HOXA13: variants seen among roughly 807,000 people sequenced by gnomAD.
HOXA13 encodes homeobox A13, also known as homeobox protein Hox-A13.
HOXA13 carries 5 observed loss-of-function variants against 25.7 expected under a neutral mutation model. The observed-to-expected ratio is 0.19, with a 90% confidence interval of 0.10 to 0.41. HOXA13 has a LOEUF of 0.41. Ranked by LOEUF, HOXA13 falls within the 10% of genes least tolerant of loss-of-function variation. The pLI, the probability that HOXA13 is intolerant of heterozygous loss-of-function variation, is 1.00. For synonymous variants in HOXA13, 284 were observed against 241.1 expected (o/e 1.18, Z -1.65); for missense variants, 557 against 533.5 (o/e 1.04, Z -0.43).
At position 27,195,345 on chromosome 7, in the gene HOXA13, C is replaced by A. The variant is rs544314380; in HGVS notation, c.*2853G>T. On this transcript the variant is annotated 3_prime_UTR_variant, in exon 2 of 2. Coordinates refer to ENST00000649031, the MANE Select transcript of HOXA13 (RefSeq NM_000522.5). ...AATCTGGTTCTTCCATTCACTATTACTTTCCTCTAACGTAAAGATAAAATT... is the reference window on the plus strand; with the variant it reads ...AATCTGGTTCTTCCATTCACTATTAATTTCCTCTAACGTAAAGATAAAATT... 3 of 152,300 alleles carry A rather than the reference C, an allele frequency of 2.0e-5. No homozygotes were observed. The South Asian group carries it at 6.2e-4, about 32-fold the overall frequency. 9.4% of individuals were successfully genotyped at this position (152,300 alleles called of 1,614,324 possible).
intron 1 of HOXA13, 53 bp from the exon 2 acceptor site, chr7:27,198,495 C>A: frequency 6.2e-7 from 1 of 1,608,730 alleles, no homozygotes; most frequent in East Asian, 2.2e-5. Context: ...CCAGCCAGGG[C>A]ATAGGCGACA....
In HOXA13 at chr7:27,196,823, T is replaced by C. The variant is rs1164795940; in HGVS notation, c.*1375A>G. ...ATAAGATAAACCTGCTCCTTTTCTT[T>C]CTGTGCAGTGCACATTTAGCATAGG... On this transcript the variant is annotated 3_prime_UTR_variant, in exon 2 of 2. Coordinates refer to ENST00000649031, the MANE Select transcript of HOXA13 (RefSeq NM_000522.5). 2 of 173,058 alleles carry C rather than the reference T, an allele frequency of 1.2e-5. No homozygotes were observed. Among genetic ancestry groups the C allele is most frequent in the African/African-American group, 4.7e-5 (2 of 42,160 alleles). 10.7% of individuals were successfully genotyped at this position (173,058 alleles called of 1,614,324 possible).
Position 27,199,719 on chromosome 7 carries a change from G to A in HOXA13, c.359C>T (p.Ala120Val). The change falls in exon 1 of 2, where the codon GCT (alanine) becomes GTT (valine). Residue 120 changes from alanine to valine, a missense_variant. By Grantham distance (64) the Ala-to-Val change is moderately conservative (BLOSUM62 0). Coordinates refer to ENST00000649031, the MANE Select transcript of HOXA13 (RefSeq NM_000522.5). ...GEAPPSAAAA[A>V]AAAAAAAAAA... ...GGCGGCTGCAGCGGCAGCCGCGGCA[G>A]CAGCGGCGGCAGCCGACGGGGGCGC... 1 of 997,880 alleles carries A rather than the reference G, an allele frequency of 1.0e-6. No individual in the cohort carries two copies. The allele number at this position is 997,880 out of a possible 1,614,324, so 61.8% of individuals were successfully genotyped here.
At position 27,199,984 on chromosome 7, in the gene HOXA13, T is replaced by G; in HGVS notation, c.94A>C (p.Asn32His). The part of the protein sequence containing the change: ...NGGGLVADEL[N>H]KNMEGAAAAA... ...GCCGCCGCCCCTTCCATGTTCTTGT[T>G]GAGCTCGTCGGCCACCAGGCCGCCG... Residue 32 changes from asparagine to histidine, a missense_variant, in exon 1 of 2, where the codon AAC (asparagine) becomes CAC (histidine). By Grantham distance (68) the Asn-to-His change is moderately conservative. Transcript: ENST00000649031. 1.4e-6 allele frequency: 2 copies of G among 1,470,002 alleles called. No individual in the cohort carries two copies. Among genetic ancestry groups the G allele is most frequent in the East Asian group, 2.9e-5 (1 of 34,040 alleles). The allele number at this position is 1,470,002 out of a possible 1,614,324, so 91.1% of individuals were successfully genotyped here. A position where few individuals can be genotyped will look rare whatever the true frequency, so the allele number is the denominator to read the frequency against.
chr7:27,199,118 A>G (rs565263915), intron 1 of HOXA13, 38 bp downstream of exon 1: 2 of 1,586,220 alleles, frequency 1.3e-6, no homozygotes, highest in African/African-American at 2.7e-5. Context: ...GCTGGAGCAG[A>G]GCCGGAAGAC....
rs762645245 is a variant in HOXA13, at chr7:27,196,068, A to G, written c.*2130T>C. The G allele has an allele frequency of 6.6e-6, 1 of 152,272 alleles. No individual in the cohort carries two copies. Among genetic ancestry groups the G allele is most frequent in the Non-Finnish European group, 1.5e-5 (1 of 68,050 alleles). The allele number at this position is 152,272 out of a possible 1,614,324, so 9.4% of individuals were successfully genotyped here. A position where few individuals can be genotyped will look rare whatever the true frequency, so the allele number is the denominator to read the frequency against. ...AACAAGGCTTCATCTTGTAAAGTAC[A>G]TTTTGTACCTCAATTCTAGAAATCA... On this transcript the variant is annotated 3_prime_UTR_variant, in exon 2 of 2. Coordinates refer to ENST00000649031, the MANE Select transcript of HOXA13 (RefSeq NM_000522.5).
At position 27,199,622 on chromosome 7, in the gene HOXA13, T is replaced by C. The variant is rs1784064063; in HGVS notation, c.456A>G (p.Gln152=). The C allele has an allele frequency of 3.6e-6, 5 of 1,408,024 alleles. No homozygotes were observed. Among genetic ancestry groups the C allele is most frequent in the Non-Finnish European group, 4.6e-6 (5 of 1,089,850 alleles). 87.2% of individuals were successfully genotyped at this position (1,408,024 alleles called of 1,614,324 possible). Residue 152 remains glutamine (Q), a synonymous_variant, in exon 1 of 2, where the codon CAA becomes CAG. Coordinates refer to ENST00000649031, the MANE Select transcript of HOXA13 (RefSeq NM_000522.5). ...AGPAGAEAAK[Q]CSPCSAAAQS... is the part of the protein sequence containing the mutation. Reference sequence around the variant, plus strand: ...GCGCCGCTGCCGAGCAGGGGCTGCATTGCTTGGCGGCCTCTGCGCCCGCCG... The same window carrying C: ...GCGCCGCTGCCGAGCAGGGGCTGCACTGCTTGGCGGCCTCTGCGCCCGCCG...
At chr7:27,198,485 C>A in intron 1 of HOXA13, 43 bp from the exon 2 acceptor site, 8 of 1,610,736 alleles carry the variant, frequency 5.0e-6, no homozygotes, top group African/African-American at 1.3e-5. Flanking sequence ...GGATCGGACC[C>A]CAGCCAGGGC....
Position 27,194,824 on chromosome 7 carries a change from G to C in HOXA13, c.*3374C>G, listed in dbSNP as rs546526263. 24 of 152,318 alleles carry C rather than the reference G, an allele frequency of 1.6e-4. 1 individual carries two copies. Among genetic ancestry groups the C allele is most frequent in the Admixed American group, 1.3e-3 (20 of 15,304 alleles). 9.4% of individuals were successfully genotyped at this position (152,318 alleles called of 1,614,324 possible). On this transcript the variant is annotated 3_prime_UTR_variant, in exon 2 of 2. Coordinates refer to ENST00000649031, the MANE Select transcript of HOXA13 (RefSeq NM_000522.5). ...AGTGGTGATGGCTTTCGAAAGGGGC[G>C]GGATCCCGGCTGGAGAGCTGCTGTT... is the stretch of plus-strand genomic sequence containing the variant.
Position 27,199,679 on chromosome 7 carries a change from C to G in HOXA13, c.399G>C (p.Ala133=). 1 of 1,160,856 alleles carries G rather than the reference C, an allele frequency of 8.6e-7. No homozygotes were observed. Among genetic ancestry groups the G allele is most frequent in the Non-Finnish European group, 1.1e-6 (1 of 944,640 alleles). The allele number at this position is 1,160,856 out of a possible 1,614,324, so 71.9% of individuals were successfully genotyped here. ...CCGGGCCGGGACCTCCCGAGGACGACGCGGCGGCGGCGGCGGCGGCTGCAG... is the reference window on the plus strand; with the variant it reads ...CCGGGCCGGGACCTCCCGAGGACGAGGCGGCGGCGGCGGCGGCGGCTGCAG... ...AAAAAAAAAA[A]SSSGGPGPAG... The change falls in exon 1 of 2, where the codon GCG becomes GCC. Residue 133 remains alanine (A), a synonymous_variant. Coordinates refer to ENST00000649031, the MANE Select transcript of HOXA13 (RefSeq NM_000522.5).
rs568133680 is a variant in HOXA13, at chr7:27,199,028, C to T, written c.922+128G>A. The T allele has an allele frequency of 3.3e-5, 29 of 877,100 alleles. 1 individual carries two copies. The South Asian group carries it at 5.0e-4, about 15-fold the overall frequency. The allele number at this position is 877,100 out of a possible 1,614,324, so 54.3% of individuals were successfully genotyped here. ...ACCCAGCCAGCCATGCTCGGGCTCC[C>T]AGGGGTGCAGAGCCGCTAGGGCAGA... is the stretch of plus-strand genomic sequence containing the variant. On this transcript the variant is annotated intron_variant, in intron 1 of 1. Coordinates refer to ENST00000649031, the MANE Select transcript of HOXA13 (RefSeq NM_000522.5).
chr7:27,197,444 C>T lies in HOXA13; in HGVS notation c.*754G>A, dbSNP rs1013486136. Reference sequence around the variant, plus strand: ...AGATACAAAATCCTTTGGAAAATAACGGATATTGGAGCAGTAAATATAGTT... The same window carrying T: ...AGATACAAAATCCTTTGGAAAATAATGGATATTGGAGCAGTAAATATAGTT... On this transcript the variant is annotated 3_prime_UTR_variant, in exon 2 of 2. Transcript: ENST00000649031. 9.5e-6 allele frequency: 2 copies of T among 209,706 alleles called. No homozygotes were observed. Among genetic ancestry groups the T allele is most frequent in the East Asian group, 7.3e-5 (1 of 13,756 alleles). The allele number at this position is 209,706 out of a possible 1,614,324, so 13.0% of individuals were successfully genotyped here.
Position 27,197,504 on chromosome 7 carries a change from A to T in HOXA13, c.*694T>A, listed in dbSNP as rs980476333. 10 of 211,612 alleles carry T rather than the reference A, an allele frequency of 4.7e-5. No homozygotes were observed. Among genetic ancestry groups the T allele is most frequent in the Middle Eastern group, 1.5e-3 (1 of 660 alleles). 13.1% of individuals were successfully genotyped at this position (211,612 alleles called of 1,614,324 possible). A position where few individuals can be genotyped will look rare whatever the true frequency, so the allele number is the denominator to read the frequency against. On this transcript the variant is annotated 3_prime_UTR_variant, in exon 2 of 2. Transcript: ENST00000649031. ...CAAAATATGCTTGTTATAAGCAATT[A>T]AAAATTATTCTTAAAAAGACATTAC...
chr7:27,198,777 C>G, intron 1 of HOXA13: 1 of 501,396 alleles, frequency 2.0e-6, no homozygotes, highest in Non-Finnish European at 3.6e-6. Context: ...TTTCTGGGTG[C>G]CCGTCCCAAT....
rs2115470963 is a variant in HOXA13, at chr7:27,198,175, C to T, written c.*23G>A. 6.2e-7 allele frequency: 1 copy of T among 1,613,716 alleles called. No individual in the cohort carries two copies. Among genetic ancestry groups the T allele is most frequent in the Non-Finnish European group, 8.5e-7 (1 of 1,179,778 alleles). On this transcript the variant is annotated 3_prime_UTR_variant, in exon 2 of 2. Coordinates refer to ENST00000649031, the MANE Select transcript of HOXA13 (RefSeq NM_000522.5). Reference sequence around the variant, plus strand: ...GTTCTGAAGCGTTTCTTCAAGTTGCCTTCTTGCTCTATTTTTAATCCATTA... The same window carrying T: ...GTTCTGAAGCGTTTCTTCAAGTTGCTTTCTTGCTCTATTTTTAATCCATTA...
chr7:27,198,876 T>A, intron 1 of HOXA13: 1 of 534,056 alleles, frequency 1.9e-6, no homozygotes, highest in Non-Finnish European at 3.3e-6. Context: ...TTTCTCATCC[T>A]TAAATTGGTG....
At position 27,198,387 on chromosome 7, in the gene HOXA13, G is replaced by A. The variant is rs759297124; in HGVS notation, c.978C>T (p.Arg326=). 30 of 1,614,006 alleles carry A rather than the reference G, an allele frequency of 1.9e-5. No homozygotes were observed. The South Asian group carries it at 2.9e-4, about 15-fold the overall frequency. Reference sequence around the variant, plus strand: ...TTAATTGCACCTTGGTATAAGGCACGCGCTTCTTTCTCCCCCTCCTATAGG... The same window carrying A: ...TTAATTGCACCTTGGTATAAGGCACACGCTTCTTTCTCCCCCTCCTATAGG... The part of the protein sequence containing the change: ...ASSYRRGRKK[R]VPYTKVQLKE... Residue 326 remains arginine, a synonymous_variant, in exon 2 of 2, where the codon CGC becomes CGT. Coordinates refer to ENST00000649031, the MANE Select transcript of HOXA13 (RefSeq NM_000522.5).
intron 1 of HOXA13, 91 bp from the exon 2 acceptor site, chr7:27,198,533 C>T: frequency 1.3e-6 from 2 of 1,526,750 alleles, no homozygotes; most frequent in African/African-American, 1.4e-5. Flanking sequence ...CGCCTTGCAG[C>T]GCCCGGCTGC....
chr7:27,199,065 A>ACACATG, intron 1 of HOXA13, 91 bp downstream of exon 1: 2 of 1,298,890 alleles, frequency 1.5e-6, no homozygotes, highest in Non-Finnish European at 2.1e-6. Flanking sequence ...CAGGAAGAGA[A>ACACATG]CAGAAACGCA....
Sources: allele counts gnomAD v4.1 joint callset, GRCh38; gene constraint gnomAD v4.1.1; transcripts MANE v1.5; gene names NCBI Gene and HGNC (gene_info 2026-07-23, HGNC 2026-07-21).